ATP8A2: variants seen among roughly 807,000 people sequenced by gnomAD.
ATP8A2 encodes the protein ATPase phospholipid transporting 8A2.
ATP8A2 carries 100 observed loss-of-function variants against 165.6 expected under a neutral mutation model. The ratio of observed to expected loss-of-function variants is 0.60; its 90% confidence interval spans 0.51 to 0.71. The LOEUF is 0.71. ATP8A2 is among the 30% of genes least tolerant of loss of function. ATP8A2 has a pLI of 0.00. For synonymous variants in ATP8A2, 543 were observed against 548.8 expected (o/e 0.99, Z 0.15); for missense variants, 1,227 against 1,479.5 (o/e 0.83, Z 2.80).
intron 35 of ATP8A2, among the ~76,000 whole-genome samples, chr13:25,982,330 T>C (rs574028475): frequency 6.6e-6 from 1 of 152,376 alleles, no homozygotes; most frequent in South Asian, 2.1e-4. Flanking sequence ...TCCTTTTGCA[T>C]GTTCCCAATT....
chr13:25,531,308 ATATATATGTTATATATGATATATATATGT>A (rs2038066072), intron 4 of ATP8A2, among the ~76,000 whole-genome samples: 3 of 87,220 alleles, frequency 3.4e-5, no homozygotes, highest in African/African-American at 1.3e-4. Context: ...GTTATATATG[ATATATATGTTATATATGATATATATATGT>A]TATATATGAT....
In ATP8A2 at chr13:25,923,158, G is replaced by A. The variant is rs75597040; in HGVS notation, c.3184-38417G>A. 3.2e-3 allele frequency among the ~76,000 whole-genome samples: 490 copies of A among 152,266 alleles called. 1 individual carries two copies. Among genetic ancestry groups the A allele is most frequent in the Non-Finnish European group, 4.6e-3 (316 of 68,016 alleles). On this transcript the variant is annotated intron_variant, in intron 33 of 36. Coordinates refer to ENST00000381655, the MANE Select transcript of ATP8A2 (RefSeq NM_016529.6). ...GCCCTCCTCACACCAGAAAAGGATT[G>A]CAATTATCATATTTAGCCTAACAAT...
chr13:25,495,020 G>T (rs566537039), intron 2 of ATP8A2, among the ~76,000 whole-genome samples: 14 of 152,168 alleles, frequency 9.2e-5, no homozygotes, highest in Non-Finnish European at 2.9e-5. Context: ...AGGTGTCTCC[G>T]CAGATTTCCC....
At chr13:25,994,499 C>A (rs1292501844) in intron 35 of ATP8A2, among the ~76,000 whole-genome samples, 1 of 152,078 alleles carries the variant, frequency 6.6e-6, no homozygotes, top group African/African-American at 2.4e-5. Flanking sequence ...AAGTGTGGTG[C>A]TAGCTGCAGG....
chr13:25,465,766 TCTC>T, intron 1 of ATP8A2, among the ~76,000 whole-genome samples: 1 of 109,684 alleles, frequency 9.1e-6, no homozygotes, highest in Non-Finnish European at 1.8e-5. Flanking sequence ...TCTCTCTTTC[TCTC>T]TTTCTCTCTT....
At chr13:25,455,998 A>T (rs1194173651) in intron 1 of ATP8A2, among the ~76,000 whole-genome samples, 1 of 152,096 alleles carries the variant, frequency 6.6e-6, no homozygotes, top group South Asian at 2.1e-4. Context: ...TTGTGTGTCT[A>T]TCTGGCTATG....
intron 24 of ATP8A2, among the ~76,000 whole-genome samples, chr13:25,661,922 G>A (rs1048152028): frequency 5.3e-5 from 8 of 152,198 alleles, no homozygotes; most frequent in African/African-American, 1.9e-4. Context: ...GAGATGGGTA[G>A]TAAGAACAAT....
chr13:25,730,073 T>C (rs572024783), intron 25 of ATP8A2, among the ~76,000 whole-genome samples: 12,875 of 152,150 alleles, frequency 0.085, 1,432 homozygotes, highest in East Asian at 0.24. Flanking sequence ...GCAGATTGCT[T>C]GAACCCAGGA....
At chr13:25,747,568 GGTTA>G (rs1448680373) in intron 25 of ATP8A2, among the ~76,000 whole-genome samples, 2 of 146,028 alleles carry the variant, frequency 1.4e-5, no homozygotes, top group East Asian at 4.1e-4. Flanking sequence ...ATGGAGGAGG[GGTTA>G]GACACGTGGA....
intron 1 of ATP8A2, among the ~76,000 whole-genome samples, chr13:25,467,644 G>A (rs971017421): frequency 1.3e-5 from 2 of 151,116 alleles, no homozygotes; most frequent in Non-Finnish European, 2.9e-5. Context: ...TCCGCCCCCC[G>A]GGGTTCACGC....
intron 33 of ATP8A2, among the ~76,000 whole-genome samples, chr13:25,920,170 T>G (rs575108307): frequency 1.6e-4 from 25 of 152,264 alleles, no homozygotes; most frequent in African/African-American, 5.5e-4. Context: ...CCCAACTCCT[T>G]CTCGGCCTTT....
intron 30 of ATP8A2, among the ~76,000 whole-genome samples, chr13:25,853,540 A>G (rs1427097493): frequency 6.6e-6 from 1 of 151,982 alleles, no homozygotes; most frequent in Non-Finnish European, 1.5e-5. Context: ...CCCTGACTCA[A>G]CCAGATTGGA....
chr13:25,764,068 A>G (rs547910856), intron 25 of ATP8A2, among the ~76,000 whole-genome samples: 75 of 152,344 alleles, frequency 4.9e-4, no homozygotes, highest in African/African-American at 1.7e-3. Flanking sequence ...ATAGGATAGT[A>G]TTTTCAACAG....
chr13:25,392,070 C>T (rs1332517230), intron 1 of ATP8A2, among the ~76,000 whole-genome samples: 1 of 152,184 alleles, frequency 6.6e-6, no homozygotes, highest in Non-Finnish European at 1.5e-5. Flanking sequence ...GCAGTGAGCT[C>T]AGCCCACCCT....
At chr13:25,511,890 CTTT>C (rs34703609) in intron 2 of ATP8A2, among the ~76,000 whole-genome samples, 1 of 140,730 alleles carries the variant, frequency 7.1e-6, no homozygotes, top group African/African-American at 2.6e-5. Context: ...CTGTGGAACT[CTTT>C]TTTTTTTTTT....
At chr13:25,582,676 G>A (rs888802330) in intron 23 of ATP8A2, among the ~76,000 whole-genome samples, 2 of 152,158 alleles carry the variant, frequency 1.3e-5, no homozygotes, top group African/African-American at 2.4e-5. Context: ...TTCTATGTCA[G>A]TGCTCTGTGT....
chr13:25,441,612 A>G (rs1320551964), intron 1 of ATP8A2, among the ~76,000 whole-genome samples: 1 of 152,208 alleles, frequency 6.6e-6, no homozygotes, highest in Non-Finnish European at 1.5e-5. Context: ...TCTTTTAGAT[A>G]TACTTTTTAT....
chr13:25,563,918 T>C, intron 15 of ATP8A2, 38 bp from the exon 16 acceptor site: 1 of 1,510,076 alleles, frequency 6.6e-7, no homozygotes, highest in South Asian at 1.1e-5. Context: ...TAACAGAAAC[T>C]TTTAAATTGA....
At chr13:25,823,956 C>T (rs115224161) in intron 27 of ATP8A2, among the ~76,000 whole-genome samples, 5,180 of 152,120 alleles carry the variant, frequency 0.034, 115 homozygotes, top group South Asian at 0.071. Flanking sequence ...CCTATCTCTA[C>T]GTGTGGTTTC....
Sources: allele counts gnomAD v4.1 joint callset (sites outside exome capture counted in the v4.1 genomes callset), GRCh38; gene constraint gnomAD v4.1.1; transcripts MANE v1.5; gene names NCBI Gene and HGNC (gene_info 2026-07-23, HGNC 2026-07-21).